UBAC2: variants seen among roughly 807,000 people sequenced by gnomAD.
UBAC2 encodes the protein ubiquitin-associated domain-containing protein 2.
In UBAC2, 26 loss-of-function variants were observed where a neutral mutation model predicts 44.0. That is an observed-to-expected ratio of 0.59 (90% CI 0.43 to 0.82). The LOEUF (loss-of-function observed/expected upper bound fraction) is 0.82, where lower values mean the gene tolerates loss of function less well. Among genes scored for constraint, UBAC2 ranks in the 40% least tolerant of loss-of-function variants. UBAC2 has a pLI of 0.00. For synonymous variants in UBAC2, 155 were observed against 154.3 expected, an observed-to-expected ratio of 1.00 and a Z score of -0.04; for missense variants, 329 against 419.4, an observed-to-expected ratio of 0.78 and a Z score of 1.88.
chr13:99,365,244 T>C (rs2045315777), intron 7 of UBAC2, among the ~76,000 whole-genome samples: 1 of 152,210 alleles, frequency 6.6e-6, no homozygotes, highest in Non-Finnish European at 1.5e-5. Context: ...TTATTTGACT[T>C]TGTAACAGCC....
At chr13:99,280,334 G>A (rs542761609) in intron 4 of UBAC2, among the ~76,000 whole-genome samples, 36 of 152,212 alleles carry the variant, frequency 2.4e-4, no homozygotes, top group East Asian at 1.2e-3. Context: ...TGCCTGTCAC[G>A]CATACATCAT....
intron 7 of UBAC2, among the ~76,000 whole-genome samples, chr13:99,340,798 C>T (rs555789285): frequency 6.6e-6 from 1 of 152,164 alleles, no homozygotes; most frequent in African/African-American, 2.4e-5. Flanking sequence ...TCTTGTTCCA[C>T]CTATATTAGA....
intron 1 of UBAC2, among the ~76,000 whole-genome samples, chr13:99,232,399 G>GAGATAGATAGATATATATATATATAT (rs1367302629): frequency 5.5e-5 from 6 of 109,902 alleles, no homozygotes; most frequent in Non-Finnish European, 1.1e-4. Flanking sequence ...TTAGTTGAGA[G>GAGATAGATAGATATATATATATATAT]ATATAGATAT....
chr13:99,357,941 G>T (rs751164038), intron 7 of UBAC2, among the ~76,000 whole-genome samples: 1 of 152,186 alleles, frequency 6.6e-6, no homozygotes, highest in Non-Finnish European at 1.5e-5. Flanking sequence ...ATGCCAGGTC[G>T]TACAGGAGGC....
intron 4 of UBAC2, among the ~76,000 whole-genome samples, chr13:99,274,484 C>G (rs2043857759): frequency 6.7e-6 from 1 of 148,562 alleles, no homozygotes; most frequent in South Asian, 2.2e-4. Context: ...TCCACCAGGA[C>G]TGGCTAGTTT....
intron 4 of UBAC2, among the ~76,000 whole-genome samples, chr13:99,267,502 T>C (rs967881829): frequency 7.9e-5 from 12 of 152,228 alleles, no homozygotes; most frequent in African/African-American, 2.7e-4. Context: ...TCCTCATGAC[T>C]TAAGCCGAAG....
intron 4 of UBAC2, among the ~76,000 whole-genome samples, chr13:99,312,632 G>T (rs1171207794): frequency 1.3e-5 from 2 of 152,196 alleles, no homozygotes; most frequent in African/African-American, 4.8e-5. Context: ...GGGCCACGAG[G>T]AGAGCCACCA....
chr13:99,318,946 G>GA (rs540919224), intron 6 of UBAC2, among the ~76,000 whole-genome samples: 116 of 131,468 alleles, frequency 8.8e-4, no homozygotes, highest in East Asian at 7.5e-3. Flanking sequence ...TTAAATCATA[G>GA]AAAAAAAAAA....
intron 6 of UBAC2, among the ~76,000 whole-genome samples, chr13:99,327,060 A>G (rs575170790): frequency 2.2e-4 from 34 of 152,302 alleles, no homozygotes; most frequent in Non-Finnish European, 3.5e-4. Flanking sequence ...GCCTATAGCT[A>G]TGCTTTCTCT....
chr13:99,310,781 C>CA lies in UBAC2; in HGVS notation c.390-3310dup, dbSNP rs1017131908. 2.0e-5 allele frequency among the ~76,000 whole-genome samples: 3 copies of CA among 152,108 alleles called. No individual in the cohort carries two copies. In the South Asian group the frequency reaches 6.2e-4, roughly 32 times the overall value. On this transcript the variant is annotated intron_variant, in intron 4 of 8. Transcript: ENST00000403766. Reference sequence around the variant, plus strand: ...TTTAGTTTACGTTGAAATGTAACCTCAAAAAAGAACTCTGCTTTAGGTTAT... The same window carrying CA: ...TTTAGTTTACGTTGAAATGTAACCTCAAAAAAAGAACTCTGCTTTAGGTTAT...
chr13:99,297,243 C>A (rs934786959), intron 4 of UBAC2, among the ~76,000 whole-genome samples: 2 of 152,058 alleles, frequency 1.3e-5, no homozygotes, highest in African/African-American at 4.8e-5. Context: ...GCAGGAAGAA[C>A]AGAGCAATAA....
At chr13:99,260,680 A>T (rs1025812844) in intron 4 of UBAC2, among the ~76,000 whole-genome samples, 2 of 152,206 alleles carry the variant, frequency 1.3e-5, no homozygotes, top group African/African-American at 4.8e-5. Flanking sequence ...TGTATAATGT[A>T]GACACAAGTT....
chr13:99,281,210 A>C (rs992404537), intron 4 of UBAC2, among the ~76,000 whole-genome samples: 5 of 151,704 alleles, frequency 3.3e-5, no homozygotes, highest in African/African-American at 9.7e-5. Context: ...AACAAAACAA[A>C]ACAAAAAAAA....
intron 8 of UBAC2, among the ~76,000 whole-genome samples, chr13:99,376,550 C>T (rs979506092): frequency 6.6e-6 from 1 of 152,244 alleles, no homozygotes; most frequent in Admixed American, 6.5e-5. Flanking sequence ...AGCCTTATCT[C>T]TGCTCCTCAC....
intron 8 of UBAC2, among the ~76,000 whole-genome samples, chr13:99,371,235 G>A (rs2045402703): frequency 6.6e-6 from 1 of 151,978 alleles, no homozygotes; most frequent in Non-Finnish European, 1.5e-5. Context: ...GTCAACATCA[G>A]TTTAAAACAG....
intron 1 of UBAC2, among the ~76,000 whole-genome samples, chr13:99,214,485 G>A (rs966237927): frequency 2.6e-5 from 4 of 152,148 alleles, no homozygotes; most frequent in Non-Finnish European, 5.9e-5. Flanking sequence ...CATATAGGTT[G>A]CAGAGGTGGG....
chr13:99,376,085 TA>T (rs1344792994), intron 8 of UBAC2, among the ~76,000 whole-genome samples: 1 of 150,172 alleles, frequency 6.7e-6, no homozygotes, highest in East Asian at 2.0e-4. Context: ...TGTTTAAAAA[TA>T]AAAAATAAGG....
At chr13:99,302,034 G>T (rs957523235) in intron 4 of UBAC2, among the ~76,000 whole-genome samples, 1 of 152,278 alleles carries the variant, frequency 6.6e-6, no homozygotes, top group East Asian at 1.9e-4. Context: ...CCAATTGGAG[G>T]TGACTTCTCT....
rs527490935 is a variant in UBAC2, at chr13:99,340,178, G to A, written c.562-142G>A. ...CTGCTTAGTGTTCTGCAGTGTGGTA[G>A]AGGATTTTGCTTATTGCCTAACACT... On this transcript the variant is annotated intron_variant, in intron 6 of 8. Coordinates refer to ENST00000403766, the MANE Select transcript of UBAC2 (RefSeq NM_001144072.2). The A allele has an allele frequency of 1.6e-4, 127 of 802,156 alleles. No homozygotes were observed. The African/African-American group carries it at 1.9e-3, about 12-fold the overall frequency. The allele number at this position is 802,156 out of a possible 1,614,324, so 49.7% of individuals were successfully genotyped here. A position where few individuals can be genotyped will look rare whatever the true frequency, so the allele number is the denominator to read the frequency against.
Sources: allele counts gnomAD v4.1 joint callset (sites outside exome capture counted in the v4.1 genomes callset), GRCh38; gene constraint gnomAD v4.1.1; transcripts MANE v1.5; gene names NCBI Gene and HGNC (gene_info 2026-07-23, HGNC 2026-07-21).